Variants in RNFT2 observed in about 807,000 individuals in gnomAD.
RNFT2 encodes the protein ring finger protein, transmembrane 2, also known as E3 ubiquitin-protein ligase RNFT2.
A neutral mutation model predicts 53.0 loss-of-function variants in RNFT2; 36 were observed. The observed-to-expected ratio is 0.68, with a 90% CI of 0.52 to 0.90. RNFT2 has a LOEUF of 0.90. Among genes scored for constraint, RNFT2 ranks in the 40% least tolerant of loss-of-function variants. The probability of loss-of-function intolerance (pLI) is 0.00; values close to 1 mark genes in which losing one functional copy is unlikely to be tolerated. For synonymous variants in RNFT2, 260 were observed against 253.2 expected (o/e 1.03, Z -0.26); for missense variants, 514 against 585.6 (o/e 0.88, Z 1.26).
At chr12:116,843,411 G>T (rs1156302537) in intron 10 of RNFT2, among the ~76,000 whole-genome samples, 1 of 142,904 alleles carries the variant, frequency 7.0e-6, no homozygotes, top group East Asian at 2.1e-4. Context: ...AGGATCACTC[G>T]AGCCCCAAAA....
intron 5 of RNFT2, among the ~76,000 whole-genome samples, chr12:116,766,136 G>T (rs767989157): frequency 9.3e-5 from 14 of 151,228 alleles, no homozygotes; most frequent in African/African-American, 2.7e-4. Context: ...TTTTTAATTA[G>T]CCAGGTATAG....
intron 10 of RNFT2, among the ~76,000 whole-genome samples, chr12:116,836,972 G>C (rs779002841): frequency 6.6e-6 from 1 of 151,800 alleles, no homozygotes; most frequent in Non-Finnish European, 1.5e-5. Context: ...TACTTCATAG[G>C]GCTATTATTA....
chr12:116,775,904 G>A (rs987914403), intron 6 of RNFT2, among the ~76,000 whole-genome samples: 8 of 152,042 alleles, frequency 5.3e-5, no homozygotes, highest in African/African-American at 1.9e-4. Context: ...TTAGCCTGGC[G>A]TGGTGGTAGG....
chr12:116,739,928 G>C (rs750064745), intron 1 of RNFT2, among the ~76,000 whole-genome samples: 2 of 152,192 alleles, frequency 1.3e-5, no homozygotes, highest in East Asian at 3.8e-4. Context: ...AAAGAGGGCC[G>C]GGCATGGTGG....
chr12:116,758,148 G>C (rs761861257), intron 5 of RNFT2, among the ~76,000 whole-genome samples: 6 of 152,294 alleles, frequency 3.9e-5, no homozygotes, highest in African/African-American at 7.2e-5. Flanking sequence ...AGCTACCCCT[G>C]CTTGCTTTTG....
chr12:116,811,851 G>A (rs1455331275), intron 7 of RNFT2, among the ~76,000 whole-genome samples: 1 of 152,178 alleles, frequency 6.6e-6, no homozygotes, highest in African/African-American at 2.4e-5. Context: ...CTGAATGGAA[G>A]GAAGGAAAAG....
At chr12:116,788,754 G>A (rs1874054286) in intron 7 of RNFT2, among the ~76,000 whole-genome samples, 1 of 152,092 alleles carries the variant, frequency 6.6e-6, no homozygotes, top group African/African-American at 2.4e-5. Context: ...TAGATGGATG[G>A]GTGAATGGAT....
At chr12:116,771,514 T>C (rs1206498636) in intron 6 of RNFT2, among the ~76,000 whole-genome samples, 1 of 145,032 alleles carries the variant, frequency 6.9e-6, no homozygotes, top group East Asian at 2.0e-4. Flanking sequence ...TGAGCAATTT[T>C]ATTTTTTTCT....
intron 5 of RNFT2, among the ~76,000 whole-genome samples, chr12:116,758,570 C>G (rs116306354): frequency 6.6e-6 from 1 of 152,098 alleles, no homozygotes; most frequent in African/African-American, 2.4e-5. Context: ...GGTGAATTCT[C>G]TTAGCATTTG....
intron 5 of RNFT2, among the ~76,000 whole-genome samples, chr12:116,759,980 G>A (rs976131243): frequency 3.9e-5 from 6 of 152,108 alleles, no homozygotes; most frequent in Non-Finnish European, 7.4e-5. Flanking sequence ...CATCGGGTTG[G>A]GGTGAGGCTA....
intron 10 of RNFT2, 144 bp downstream of exon 10, chr12:116,836,426 T>A: frequency 1.5e-6 from 1 of 668,404 alleles, no homozygotes; most frequent in Non-Finnish European, 2.6e-6. Context: ...TGGGTTCCAA[T>A]CTCACCTCTG....
At chr12:116,846,058 C>T (rs1226033062) in intron 10 of RNFT2, among the ~76,000 whole-genome samples, 1 of 152,168 alleles carries the variant, frequency 6.6e-6, no homozygotes, top group Non-Finnish European at 1.5e-5. Flanking sequence ...TCCATAATAC[C>T]ATGGAAATCT....
intron 10 of RNFT2, among the ~76,000 whole-genome samples, 170 bp from the exon 11 acceptor site, chr12:116,849,144 C>A (rs1387952636): frequency 6.6e-6 from 1 of 152,080 alleles, no homozygotes; most frequent in African/African-American, 2.4e-5. Context: ...CATCTTGGTG[C>A]TTCCTACTGA....
intron 7 of RNFT2, among the ~76,000 whole-genome samples, chr12:116,790,500 T>G (rs1372561987): frequency 3.3e-5 from 5 of 152,198 alleles, no homozygotes; most frequent in Non-Finnish European, 7.3e-5. Context: ...GCGCAAACCT[T>G]GCAGTAACAA....
At chr12:116,839,447 G>C (rs144898957) in intron 10 of RNFT2, among the ~76,000 whole-genome samples, 3,599 of 150,968 alleles carry the variant, frequency 0.024, 68 homozygotes, top group Non-Finnish European at 0.038. Context: ...ATGGATGGAT[G>C]GATGGATGGA....
intron 7 of RNFT2, among the ~76,000 whole-genome samples, chr12:116,815,663 G>A (rs985356346): frequency 2.0e-5 from 3 of 152,176 alleles, no homozygotes; most frequent in African/African-American, 7.2e-5. Context: ...CATCTCAGGA[G>A]CCTTAATTTC....
intron 7 of RNFT2, among the ~76,000 whole-genome samples, chr12:116,821,927 C>T (rs1276676148): frequency 6.9e-6 from 1 of 145,760 alleles, no homozygotes; most frequent in Admixed American, 7.1e-5. Flanking sequence ...CTCTGCCTCC[C>T]GGGTTCAAGC....
intron 10 of RNFT2, among the ~76,000 whole-genome samples, chr12:116,836,499 G>T (rs1876978586): frequency 6.6e-6 from 1 of 152,176 alleles, no homozygotes; most frequent in Admixed American, 6.6e-5. Context: ...GGTTTCCTTA[G>T]TAAGATGTAG....
chr12:116,787,540 T>C (rs1398535874), intron 7 of RNFT2, among the ~76,000 whole-genome samples: 1 of 151,942 alleles, frequency 6.6e-6, no homozygotes, highest in East Asian at 1.9e-4. Context: ...ATGCCATCTT[T>C]ATAATAAAAA....
Sources: allele counts gnomAD v4.1 joint callset (sites outside exome capture counted in the v4.1 genomes callset), GRCh38; gene constraint gnomAD v4.1.1; transcripts MANE v1.5; gene names NCBI Gene and HGNC (gene_info 2026-07-23, HGNC 2026-07-21).